KCNQ4: variants seen among roughly 807,000 people sequenced by gnomAD.
KCNQ4 encodes the protein potassium voltage-gated channel subfamily KQT member 4.
A neutral mutation model predicts 72.6 loss-of-function variants in KCNQ4; 31 were observed. The observed-to-expected ratio is 0.43, with a 90% CI of 0.32 to 0.58. The LOEUF (loss-of-function observed/expected upper bound fraction) is 0.58. Among genes scored for constraint, KCNQ4 ranks in the 20% least tolerant of loss-of-function variants. The pLI, the probability that KCNQ4 is intolerant of heterozygous loss-of-function variation, is 0.08. For missense variants in KCNQ4, 869 were observed against 962.6 expected (o/e 0.90, Z 1.29); for synonymous variants, 405 against 403.7 (o/e 1.00, Z -0.04).
intron 1 of KCNQ4, among the ~76,000 whole-genome samples, chr1:40,808,194 G>A (rs747399591): frequency 3.3e-5 from 5 of 152,084 alleles, no homozygotes; most frequent in Non-Finnish European, 7.4e-5. Flanking sequence ...CTGGAAAGAC[G>A]AGGGAAGGAA....
intron 1 of KCNQ4, among the ~76,000 whole-genome samples, chr1:40,798,256 T>C (rs897538543): frequency 6.6e-5 from 10 of 152,140 alleles, no homozygotes; most frequent in African/African-American, 2.4e-4. Context: ...TCTCCAATGA[T>C]GATAAATAAC....
intron 1 of KCNQ4, among the ~76,000 whole-genome samples, chr1:40,812,148 G>T (rs1224315614): frequency 1.3e-5 from 2 of 152,200 alleles, no homozygotes; most frequent in African/African-American, 2.4e-5. Flanking sequence ...GGTTCTAGCT[G>T]CAGCTCTGCC....
intron 1 of KCNQ4, among the ~76,000 whole-genome samples, chr1:40,800,238 G>A (rs1647535214): frequency 6.6e-6 from 1 of 152,082 alleles, no homozygotes; most frequent in Non-Finnish European, 1.5e-5. Flanking sequence ...CCCCTCCCAG[G>A]GAGGGATGGG....
At chr1:40,807,971 T>C (rs1350427832) in intron 1 of KCNQ4, among the ~76,000 whole-genome samples, 3 of 147,894 alleles carry the variant, frequency 2.0e-5, no homozygotes, top group Non-Finnish European at 3.0e-5. Flanking sequence ...TCAAAAAAAA[T>C]TAGCCAGGTG....
chr1:40,796,601 T>G (rs823689), intron 1 of KCNQ4, among the ~76,000 whole-genome samples: 149,076 of 152,202 alleles, frequency 0.98, 73,030 homozygotes, highest in East Asian at 1. Flanking sequence ...GGGGTGATAT[T>G]AGGAGAAGTT....
chr1:40,809,533 T>C (rs1266413037), intron 1 of KCNQ4, among the ~76,000 whole-genome samples: 1 of 152,200 alleles, frequency 6.6e-6, no homozygotes, highest in Non-Finnish European at 1.5e-5. Flanking sequence ...GAAGTTGTTC[T>C]CCTTCCTAGT....
At chr1:40,809,790 T>C (rs1570818072) in intron 1 of KCNQ4, among the ~76,000 whole-genome samples, 1 of 152,028 alleles carries the variant, frequency 6.6e-6, no homozygotes, top group African/African-American at 2.4e-5. Flanking sequence ...ATTGGCCAGG[T>C]GCGGTGGCTC....
chr1:40,834,057 AC>A (rs1558032876), intron 11 of KCNQ4, among the ~76,000 whole-genome samples: 1 of 148,288 alleles, frequency 6.7e-6, no homozygotes, highest in East Asian at 2.0e-4. Context: ...TGTCCCCACT[AC>A]CCCCCACAGT....
chr1:40,818,798 C>T, intron 4 of KCNQ4, 118 bp downstream of exon 4: 1 of 1,203,992 alleles, frequency 8.3e-7, no homozygotes. Flanking sequence ...GGGGTGTGGC[C>T]TGCGGGGGTT....
chr1:40,817,209 C>T lies in KCNQ4; in HGVS notation c.315-56C>T. The T allele has an allele frequency of 1.4e-6, 2 of 1,458,072 alleles. No individual in the cohort carries two copies. 90.3% of individuals were successfully genotyped at this position (1,458,072 alleles called of 1,614,324 possible). A position where few individuals can be genotyped will look rare whatever the true frequency, so the allele number is the denominator to read the frequency against. ...CTCTGTAACCCCCTGCCAGGGGCAC[C>T]TTGGCTGTCCTGTCCCTCCAACAAT... On this transcript the variant is annotated intron_variant, in intron 1 of 13. Coordinates refer to ENST00000347132, the MANE Select transcript of KCNQ4 (RefSeq NM_004700.4). The surrounding 1 kb of genome is among the most constrained non-coding windows in gnomAD (Gnocchi z 5.5).
In KCNQ4 at chr1:40,824,128, C is replaced by T. The variant is rs371079509; in HGVS notation, c.1162C>T (p.Arg388Trp). 8.5e-5 allele frequency: 132 copies of T among 1,559,812 alleles called. No homozygotes were observed. The South Asian group carries it at 1.0e-3, about 12-fold the overall frequency. ...GGCCCTCTTGTTTGAGCACGTGCAACGGGCCCGCAATGGGGGCCTACGGCC... is the reference window on the plus strand; with the variant it reads ...GGCCCTCTTGTTTGAGCACGTGCAATGGGCCCGCAATGGGGGCCTACGGCC... ...ELALLFEHVQ[R>W]ARNGGLRPLE... Residue 388 changes from arginine to tryptophan, a missense_variant, in exon 9 of 14, where the codon CGG becomes TGG. This residue lies in a region of KCNQ4 where 480 missense variants were observed against 501.9 expected (regional missense o/e 0.96). Transcript: ENST00000347132.
Position 40,784,129 on chromosome 1 carries a change from T to A in KCNQ4, c.36T>A (p.Gly12=). 1.1e-6 allele frequency: 1 copy of A among 917,574 alleles called. No individual in the cohort carries two copies. The highest frequency in any genetic ancestry group is 1.3e-6 in the Non-Finnish European group (1 of 754,070). The allele number at this position is 917,574 out of a possible 1,614,324, so 56.8% of individuals were successfully genotyped here. ...CCCCCCCGCGCCGCCTCGGCCTGGG[T>A]CCCCCGCCCGGGGACGCCCCCCGCG... is the stretch of plus-strand genomic sequence containing the variant. ...AEAPPRRLGL[G]PPPGDAPRAE... Residue 12 remains glycine (G), a synonymous_variant, in exon 1 of 14, where the codon GGT becomes GGA. Transcript: ENST00000347132. The surrounding 1 kb of genome is among the most constrained non-coding windows in gnomAD (Gnocchi z 4.1).
At chr1:40,809,358 C>A (rs553706016) in intron 1 of KCNQ4, among the ~76,000 whole-genome samples, 2 of 152,274 alleles carry the variant, frequency 1.3e-5, no homozygotes, top group African/African-American at 4.8e-5. Flanking sequence ...CATTTCCAGC[C>A]GGGTCTCTCT....
chr1:40,834,257 AC>A (rs1489566148), intron 11 of KCNQ4, among the ~76,000 whole-genome samples: 2 of 152,102 alleles, frequency 1.3e-5, no homozygotes, highest in East Asian at 3.9e-4. Flanking sequence ...AGGCAGTGGC[AC>A]CACCATCCAC....
intron 1 of KCNQ4, among the ~76,000 whole-genome samples, chr1:40,791,898 T>A (rs1002896729): frequency 1.3e-5 from 2 of 152,150 alleles, no homozygotes; most frequent in African/African-American, 4.8e-5. Flanking sequence ...TTTCAAAAAC[T>A]TGGAGCCCCC....
intron 1 of KCNQ4, among the ~76,000 whole-genome samples, chr1:40,808,418 C>T (rs1243585293): frequency 3.3e-5 from 5 of 152,306 alleles, no homozygotes; most frequent in South Asian, 2.1e-4. Context: ...GAGCCATCCT[C>T]GCTGCTGAGG....
chr1:40,790,151 GGTTCTAGCCTTAGCA>G (rs2148833508), intron 1 of KCNQ4, among the ~76,000 whole-genome samples: 1 of 152,286 alleles, frequency 6.6e-6, no homozygotes, highest in East Asian at 1.9e-4. Context: ...GTTCCTTCCT[GGTTCTAGCCTTAGCA>G]GTCGTGTGTC....
chr1:40,807,213 C>T (rs1049761679), intron 1 of KCNQ4, among the ~76,000 whole-genome samples: 4 of 152,176 alleles, frequency 2.6e-5, no homozygotes, highest in African/African-American at 9.7e-5. Flanking sequence ...GCTGCTGTCC[C>T]TCCAGGGACA....
At chr1:40,828,603 A>T (rs1558026245) in intron 9 of KCNQ4, among the ~76,000 whole-genome samples, 1 of 152,164 alleles carries the variant, frequency 6.6e-6, no homozygotes, top group African/African-American at 2.4e-5. Flanking sequence ...TGGCCAAATC[A>T]TCTCACCTCT....
Sources: allele counts gnomAD v4.1 joint callset (sites outside exome capture counted in the v4.1 genomes callset), GRCh38; gene constraint gnomAD v4.1.1; regional missense constraint gnomAD v4.1.1; non-coding constraint Gnocchi (gnomAD v3.1); transcripts MANE v1.5; gene names NCBI Gene and HGNC (gene_info 2026-07-23, HGNC 2026-07-21).